Variants in MBD5 observed in about 807,000 individuals in gnomAD.
MBD5 encodes the protein methyl-CpG binding domain protein 5, also known as methyl-CpG-binding domain protein 5.
In MBD5, 13 loss-of-function variants were observed where a neutral mutation model predicts 117.3. The observed-to-expected ratio is 0.11, with a 90% confidence interval of 0.07 to 0.18. MBD5 has a LOEUF of 0.18. MBD5 is among the 10% of genes least tolerant of loss of function. The pLI is 1.00. For missense variants in MBD5, 1,879 were observed against 2,093.8 expected (o/e 0.90, Z 2.00); for synonymous variants, 727 against 766.4 (o/e 0.95, Z 0.85).
intron 3 of MBD5, chr2:148,295,651 TC>T (rs1404278228): frequency 6.5e-6 from 1 of 152,838 alleles, no homozygotes; most frequent in Non-Finnish European, 1.5e-5. Flanking sequence ...ATTCGTGCAT[TC>T]ATTTTTTTCT....
chr2:148,426,827 T>C (rs1180134922), intron 4 of MBD5, among the ~76,000 whole-genome samples: 1 of 152,146 alleles, frequency 6.6e-6, no homozygotes. Context: ...AAAGAACTTC[T>C]ACCCAGCAAA....
chr2:148,051,661 A>G (rs991738385), intron 1 of MBD5, among the ~76,000 whole-genome samples: 2 of 147,100 alleles, frequency 1.4e-5, no homozygotes, highest in Non-Finnish European at 3.0e-5. Context: ...TCATGAAAGG[A>G]TGTTATATTT....
chr2:148,227,812 C>T (rs569191554), intron 2 of MBD5, among the ~76,000 whole-genome samples: 1 of 152,220 alleles, frequency 6.6e-6, no homozygotes, highest in South Asian at 2.1e-4. Context: ...TGTAGTTCTC[C>T]TTGAAGAGGT....
intron 11 of MBD5, among the ~76,000 whole-genome samples, chr2:148,499,235 C>T (rs1385975484): frequency 1.3e-5 from 2 of 152,060 alleles, no homozygotes; most frequent in African/African-American, 4.8e-5. Context: ...CCCAGGAGGT[C>T]GAGGCTGCAG....
At chr2:148,207,448 A>G (rs1699310922) in intron 2 of MBD5, among the ~76,000 whole-genome samples, 2 of 89,808 alleles carry the variant, frequency 2.2e-5, no homozygotes, top group African/African-American at 5.8e-5. Context: ...AAAAGAAAAA[A>G]AAAGGACAAA....
intron 2 of MBD5, among the ~76,000 whole-genome samples, chr2:148,227,988 T>C (rs1281680039): frequency 4.6e-5 from 7 of 152,234 alleles, no homozygotes. Flanking sequence ...TGAATTTGCT[T>C]ATCAGCTTAA....
intron 1 of MBD5, among the ~76,000 whole-genome samples, chr2:148,149,218 C>T (rs1330724944): frequency 1.4e-5 from 2 of 140,412 alleles, no homozygotes; most frequent in Non-Finnish European, 3.1e-5. Flanking sequence ...CGATAGTTTA[C>T]TGAGAATGAT....
intron 4 of MBD5, among the ~76,000 whole-genome samples, chr2:148,428,048 T>A (rs1705861395): frequency 6.6e-6 from 1 of 152,166 alleles, no homozygotes; most frequent in Admixed American, 6.5e-5. Flanking sequence ...AGAGAGGAAG[T>A]CATATTGTCT....
chr2:148,285,270 A>G (rs377445355), intron 3 of MBD5, among the ~76,000 whole-genome samples: 2 of 152,220 alleles, frequency 1.3e-5, no homozygotes, highest in East Asian at 3.8e-4. Context: ...CATCTCAATA[A>G]CAGTTATATA....
chr2:148,215,552 T>TC (rs1226258485), intron 2 of MBD5, among the ~76,000 whole-genome samples: 2 of 152,058 alleles, frequency 1.3e-5, no homozygotes, highest in African/African-American at 2.4e-5. Context: ...GGGTTTTTTT[T>TC]CGAGACAAGG....
At chr2:148,102,729 CAGAGAGAGAGAG>C (rs70992193) in intron 1 of MBD5, among the ~76,000 whole-genome samples, 2,300 of 102,526 alleles carry the variant, frequency 0.022, 44 homozygotes, top group African/African-American at 0.058. Context: ...CACACACACA[CAGAGAGAGAGAG>C]AGAGAGAGAG....
At chr2:148,338,713 A>G (rs1702862670) in intron 3 of MBD5, among the ~76,000 whole-genome samples, 1 of 152,190 alleles carries the variant, frequency 6.6e-6, no homozygotes, top group African/African-American at 2.4e-5. Flanking sequence ...GATCTGAGTC[A>G]CCTCTGAGGA....
chr2:148,160,410 C>T (rs1490223586), intron 1 of MBD5, among the ~76,000 whole-genome samples: 1 of 151,892 alleles, frequency 6.6e-6, no homozygotes. Flanking sequence ...AAAAAAGGTG[C>T]ATCACAGATT....
chr2:148,492,587 A>G (rs1052740853), intron 11 of MBD5, among the ~76,000 whole-genome samples: 3 of 152,106 alleles, frequency 2.0e-5, no homozygotes, highest in African/African-American at 7.3e-5. Context: ...CAGCATTTTT[A>G]AAAACCTGTT....
At chr2:148,042,216 A>T (rs892986634) in intron 1 of MBD5, among the ~76,000 whole-genome samples, 4 of 152,198 alleles carry the variant, frequency 2.6e-5, no homozygotes, top group African/African-American at 9.7e-5. Flanking sequence ...GGATATAAAT[A>T]GTGGTGATCA....
intron 1 of MBD5, among the ~76,000 whole-genome samples, chr2:148,156,029 A>G (rs1225831623): frequency 1.3e-5 from 2 of 152,234 alleles, no homozygotes; most frequent in Non-Finnish European, 2.9e-5. Context: ...AAAGCAGTTT[A>G]CTGTTACCAG....
chr2:148,331,910 A>G lies in MBD5; in HGVS notation c.-679-10304A>G, dbSNP rs185879277. On this transcript the variant is annotated intron_variant, in intron 3 of 13. Coordinates refer to ENST00000642680, the MANE Select transcript of MBD5 (RefSeq NM_001378120.1). ...TTAAGCCAAATTCTTAAAATCACTC[A>G]AAAAACACTTGCATTTTATAATTAT... is the stretch of plus-strand genomic sequence containing the variant. Among the ~76,000 whole-genome samples, 1,018 of 152,264 alleles carry G rather than the reference A, an allele frequency of 6.7e-3. 6 individuals are homozygous for G. The highest frequency in any genetic ancestry group is 0.01 in the Non-Finnish European group (697 of 67,956).
chr2:148,271,209 A>G (rs945690600), intron 3 of MBD5, among the ~76,000 whole-genome samples: 2 of 152,020 alleles, frequency 1.3e-5, no homozygotes, highest in African/African-American at 4.8e-5. Flanking sequence ...TTCTAGTTTT[A>G]TTACCCTATG....
intron 1 of MBD5, among the ~76,000 whole-genome samples, chr2:148,095,727 TA>T (rs145312954): frequency 0.051 from 7,757 of 151,938 alleles, 308 homozygotes; most frequent in Middle Eastern, 0.085. Flanking sequence ...TATTCTGAGT[TA>T]GTTTTTTTTT....
Sources: gnomAD v4.1 joint callset for allele counts (sites outside exome capture counted in the v4.1 genomes callset) on GRCh38, gnomAD v4.1.1 for gene constraint, MANE v1.5 for transcripts, NCBI Gene and HGNC (gene_info 2026-07-23, HGNC 2026-07-21) for gene names.